The following PUS7 variants were observed in gnomAD, a reference collection of about 807,000 sequenced individuals.
PUS7 encodes the protein pseudouridine synthase 7.
PUS7 carries 48 observed loss-of-function variants against 79.8 expected under a neutral mutation model. The observed-to-expected ratio is 0.60, with a 90% confidence interval of 0.48 to 0.76. The LOEUF (loss-of-function observed/expected upper bound fraction) is 0.76, where lower values mean the gene tolerates loss of function less well. Ranked by LOEUF, PUS7 falls within the 30% of genes least tolerant of loss-of-function variation. PUS7 has a pLI of 0.00. For synonymous variants in PUS7, 286 were observed against 272.2 expected (o/e 1.05, Z -0.50); for missense variants, 729 against 797.6 (o/e 0.91, Z 1.04).
intron 11 of PUS7, among the ~76,000 whole-genome samples, chr7:105,469,994 A>C (rs1823809215): frequency 6.6e-6 from 1 of 152,230 alleles, no homozygotes; most frequent in South Asian, 2.1e-4. Flanking sequence ...AGCCTGCCTT[A>C]CATCAATGGC....
chr7:105,521,852 G>A (rs1826131217), intron 1 of PUS7, among the ~76,000 whole-genome samples, 200 bp downstream of exon 1: 1 of 148,770 alleles, frequency 6.7e-6, no homozygotes, highest in Non-Finnish European at 1.5e-5. Flanking sequence ...CCGCCGAAGC[G>A]CAGGACCCAC....
In PUS7 at chr7:105,460,848, C is replaced by T. The variant is rs1352391457; in HGVS notation, c.1758-1589G>A. Among the ~76,000 whole-genome samples, 35 of 57,688 alleles carry T rather than the reference C, an allele frequency of 6.1e-4. No individual in the cohort carries two copies. In the Admixed American group the frequency reaches 8.8e-3, roughly 15 times the overall value. 37.8% of individuals were successfully genotyped at this position (57,688 alleles called of 152,430 possible). The stretch of plus-strand genomic sequence containing the variant: ...CAGCCTGGGCGACAGAGCGAGACTC[C>T]GTCTCAAAAAAAAAAAAAAAAAAAA... On this transcript the variant is annotated intron_variant, in intron 14 of 15. Coordinates refer to ENST00000469408, the MANE Select transcript of PUS7 (RefSeq NM_019042.5).
At chr7:105,478,874 T>C (rs577001791) in intron 9 of PUS7, among the ~76,000 whole-genome samples, 40 of 152,344 alleles carry the variant, frequency 2.6e-4, no homozygotes, top group African/African-American at 8.2e-4. Flanking sequence ...TATGTAATTT[T>C]TGTTGTGGGA....
intron 1 of PUS7, among the ~76,000 whole-genome samples, chr7:105,519,508 G>C (rs73190166): frequency 1.3e-5 from 2 of 152,136 alleles, no homozygotes; most frequent in African/African-American, 4.8e-5. Flanking sequence ...GCCTCCCAGA[G>C]TGCTGGGATT....
Position 105,468,477 on chromosome 7 carries a change from A to T in PUS7, c.1399-14T>A. ...ATTTCTGGGTATCTGGAGGGAAGGA[A>T]AAAAATAGGCAAGAAAACATATTCT... is the stretch of plus-strand genomic sequence containing the variant. On this transcript the variant is annotated splice_polypyrimidine_tract_variant and intron_variant, in intron 11 of 15. Coordinates refer to ENST00000469408, the MANE Select transcript of PUS7 (RefSeq NM_019042.5). The T allele has an allele frequency of 6.3e-7, 1 of 1,575,420 alleles. No individual in the cohort carries two copies. The highest frequency in any genetic ancestry group is 8.6e-7 in the Non-Finnish European group (1 of 1,162,192).
intron 9 of PUS7, among the ~76,000 whole-genome samples, chr7:105,475,760 T>C (rs1221181150): frequency 2.0e-5 from 3 of 152,174 alleles, no homozygotes; most frequent in Non-Finnish European, 4.4e-5. Flanking sequence ...GCATTTACAC[T>C]GTCAGGCAAC....
At chr7:105,478,371 T>C (rs1824189908) in intron 9 of PUS7, among the ~76,000 whole-genome samples, 1 of 152,210 alleles carries the variant, frequency 6.6e-6, no homozygotes, top group African/African-American at 2.4e-5. Context: ...GCTAACTTTA[T>C]AACCTTTTGA....
At chr7:105,492,528 C>T (rs1824834199) in intron 6 of PUS7, among the ~76,000 whole-genome samples, 1 of 112,712 alleles carries the variant, frequency 8.9e-6, no homozygotes, top group Admixed American at 1.1e-4. Flanking sequence ...TTTTTTGAGA[C>T]AGAGTCTCGC....
chr7:105,477,697 C>A (rs1824169123), intron 9 of PUS7, among the ~76,000 whole-genome samples: 2 of 151,806 alleles, frequency 1.3e-5, no homozygotes, highest in Admixed American at 1.3e-4. Context: ...TTTTTATTAC[C>A]CACCCCCACC....
At chr7:105,489,307 G>A (rs781057435) in intron 7 of PUS7, among the ~76,000 whole-genome samples, 3 of 151,706 alleles carry the variant, frequency 2.0e-5, no homozygotes, top group Non-Finnish European at 4.4e-5. Context: ...ACCTTCTGTT[G>A]TGACCTCTAT....
chr7:105,516,277 T>C (rs1156905839), intron 1 of PUS7, among the ~76,000 whole-genome samples: 1 of 152,136 alleles, frequency 6.6e-6, no homozygotes, highest in Non-Finnish European at 1.5e-5. Context: ...ATAGTACCAA[T>C]GATTTTTAAA....
intron 6 of PUS7, among the ~76,000 whole-genome samples, chr7:105,494,916 C>T (rs576690940): frequency 1.3e-5 from 2 of 148,396 alleles, no homozygotes; most frequent in South Asian, 4.2e-4. Flanking sequence ...GTCAAGGCTG[C>T]AGTGAGCCTG....
At position 105,470,723 on chromosome 7, in the gene PUS7, AT is replaced by A. The variant is rs1255716159; in HGVS notation, c.1362del (p.Lys454AsnfsTer4). The part of the protein sequence containing the change: ...VEGQLLRGLS[K>X]YGMKNIVSAF... ...GCAGAGACTATATTCTTCATTCCAT[AT>A]TTTGAAAGTCCTCGAAGCAGCTGCC... On this transcript the variant is annotated frameshift_variant, in exon 11 of 16. Transcript: ENST00000469408. LOFTEE classifies it high-confidence loss of function. 1.2e-6 allele frequency: 2 copies of A among 1,609,150 alleles called. No homozygotes were observed. The highest frequency in any genetic ancestry group is 8.5e-7 in the Non-Finnish European group (1 of 1,176,474).
chr7:105,484,471 A>T (rs990159591), intron 7 of PUS7, among the ~76,000 whole-genome samples: 11 of 150,214 alleles, frequency 7.3e-5, no homozygotes, highest in African/African-American at 2.7e-4. Context: ...AAACAACTAT[A>T]TGGAGAAACT....
chr7:105,492,871 G>C (rs6964788), intron 6 of PUS7, among the ~76,000 whole-genome samples: 22,912 of 151,080 alleles, frequency 0.15, 1,734 homozygotes, highest in South Asian at 0.19. Context: ...TTGAATGCTC[G>C]ACCTCAGGTG....
chr7:105,468,610 C>A, intron 11 of PUS7, 147 bp from the exon 12 acceptor site: 1 of 618,484 alleles, frequency 1.6e-6, no homozygotes. Context: ...CTCCACCTCC[C>A]GGGTTCAAGC....
chr7:105,477,960 A>T (rs1323931468), intron 9 of PUS7, among the ~76,000 whole-genome samples: 1 of 151,876 alleles, frequency 6.6e-6, no homozygotes, highest in Non-Finnish European at 1.5e-5. Context: ...GCAGCAGCAC[A>T]CTCAGCTAAT....
intron 7 of PUS7, 31 bp from the exon 8 acceptor site, chr7:105,482,471 A>G (rs746405779): frequency 3.2e-6 from 5 of 1,561,460 alleles, no homozygotes; most frequent in African/African-American, 1.4e-5. Flanking sequence ...GCAACAAAAC[A>G]AAAAAGAGTA....
At chr7:105,513,435 G>C (rs10234361) in intron 1 of PUS7, among the ~76,000 whole-genome samples, 4 of 152,202 alleles carry the variant, frequency 2.6e-5, no homozygotes, top group African/African-American at 4.8e-5. Flanking sequence ...TTAACCTCTC[G>C]AATCTGTTTC....
Sources: gnomAD v4.1 joint callset for allele counts (sites outside exome capture counted in the v4.1 genomes callset) on GRCh38, gnomAD v4.1.1 for gene constraint, MANE v1.5 for transcripts, NCBI Gene and HGNC (gene_info 2026-07-23, HGNC 2026-07-21) for gene names.